The following PTPRN2 variants were observed in gnomAD, a reference collection of about 807,000 sequenced individuals.
The protein encoded by PTPRN2 is receptor-type tyrosine-protein phosphatase N2.
Under a neutral mutation model 118.8 loss-of-function variants are expected in PTPRN2, and 74 were observed. The ratio of observed to expected loss-of-function variants is 0.62; its 90% CI spans 0.52 to 0.76. The LOEUF is 0.76. Among genes scored for constraint, PTPRN2 ranks in the 30% least tolerant of loss-of-function variants. PTPRN2 has a pLI of 0.00. For missense variants in PTPRN2, 1,481 were observed against 1,394.4 expected, an observed-to-expected ratio of 1.06 and a Z score of -0.99; for synonymous variants, 641 against 608.0, an observed-to-expected ratio of 1.05 and a Z score of -0.80.
At chr7:158,328,458 G>C (rs762347002) in intron 2 of PTPRN2, among the ~76,000 whole-genome samples, 5 of 152,246 alleles carry the variant, frequency 3.3e-5, no homozygotes, top group Non-Finnish European at 7.3e-5. Flanking sequence ...ACAGGCAGCA[G>C]AAGGCAGGGG....
chr7:157,635,519 C>A (rs1378504986), intron 14 of PTPRN2, among the ~76,000 whole-genome samples: 2 of 152,258 alleles, frequency 1.3e-5, no homozygotes, highest in Non-Finnish European at 2.9e-5. Flanking sequence ...TGTCATTCAC[C>A]ATCTAAAATC....
intron 12 of PTPRN2, among the ~76,000 whole-genome samples, chr7:157,791,127 T>A (rs1804463760): frequency 6.6e-6 from 1 of 152,204 alleles, no homozygotes; most frequent in Non-Finnish European, 1.5e-5. Flanking sequence ...ATGAGAACAG[T>A]CACTCTGGCA....
chr7:158,444,075 G>T (rs1317843422), intron 2 of PTPRN2, among the ~76,000 whole-genome samples: 1 of 152,236 alleles, frequency 6.6e-6, no homozygotes, highest in East Asian at 1.9e-4. Flanking sequence ...GCACGGGGAG[G>T]TGCTAGAGAA....
intron 12 of PTPRN2, among the ~76,000 whole-genome samples, chr7:157,733,349 G>A (rs1181549491): frequency 1.5e-5 from 1 of 66,412 alleles, no homozygotes. Flanking sequence ...CGTCCCATGC[G>A]CCCAGCACAG....
At position 157,729,227 on chromosome 7, in the gene PTPRN2, A is replaced by AT. The variant is rs200225408; in HGVS notation, c.1789-46291dup. On this transcript the variant is annotated intron_variant, in intron 12 of 22. Transcript: ENST00000389418. The surrounding 1 kb of genome is among the most constrained non-coding windows in gnomAD (Gnocchi z 4.3). The stretch of plus-strand genomic sequence containing the variant: ...TCTGCCCATCTTTGAATCTTCATGT[A>AT]TTTTTAAAAAAGAATGAATTTAAAA... Among the ~76,000 whole-genome samples the AT allele has an allele frequency of 1.3e-5, 2 of 151,588 alleles. No individual in the cohort carries two copies. The highest frequency in any genetic ancestry group is 2.4e-5 in the African/African-American group (1 of 41,208).
chr7:158,278,683 A>T (rs1799205746), intron 3 of PTPRN2, among the ~76,000 whole-genome samples: 1 of 152,238 alleles, frequency 6.6e-6, no homozygotes, highest in Non-Finnish European at 1.5e-5. Context: ...TACAGTTTTT[A>T]AAGATGGTGT....
intron 2 of PTPRN2, among the ~76,000 whole-genome samples, chr7:158,330,039 T>TCACCATAAGAGCTGACGCCC (rs1804057334): frequency 3.3e-5 from 4 of 121,626 alleles, no homozygotes; most frequent in African/African-American, 1.3e-4. Context: ...AGGTGACATC[T>TCACCATAAGAGCTGACGCCC]GCAGACGTCA....
rs548826775 is a variant in PTPRN2, at chr7:157,903,965, G to A, written c.1724-5228C>T. ...GCAAGCGACTAATCCATGTGCCCTC[G>A]TGACAGCGGCTGTTTTGCTGCATGT... On this transcript the variant is annotated intron_variant, in intron 11 of 22. Coordinates refer to ENST00000389418, the MANE Select transcript of PTPRN2 (RefSeq NM_002847.5). The surrounding 1 kb of genome is among the most constrained non-coding windows in gnomAD (Gnocchi z 4.2). Among the ~76,000 whole-genome samples the A allele has an allele frequency of 5.3e-5, 8 of 152,266 alleles. No homozygotes were observed. In the South Asian group the frequency reaches 8.3e-4, roughly 16 times the overall value.
chr7:158,433,297 G>A (rs1363979279), intron 2 of PTPRN2, among the ~76,000 whole-genome samples: 2 of 152,162 alleles, frequency 1.3e-5, no homozygotes, highest in Admixed American at 6.5e-5. Context: ...TTTCTATTGG[G>A]TATGTACTCA....
rs1431494126 is a variant in PTPRN2 at position 157,784,151 on chromosome 7, A to C, written c.1789-101214T>G. Among the ~76,000 whole-genome samples, 1 of 152,140 alleles carries C rather than the reference A, an allele frequency of 6.6e-6. No homozygotes were observed. The highest frequency in any genetic ancestry group is 1.5e-5 in the Non-Finnish European group (1 of 68,032). ...CTATTCCTAAATTCTGCTTGTGGGC[A>C]GGGCACAGGCAGCTCAACGTTAGGC... On this transcript the variant is annotated intron_variant, in intron 12 of 22. Coordinates refer to ENST00000389418, the MANE Select transcript of PTPRN2 (RefSeq NM_002847.5). This position sits in a 1 kb window ranked among gnomAD's most constrained non-coding sequence, Gnocchi z 4.6.
chr7:157,540,848 C>T (rs1124400), intron 22 of PTPRN2, 63 bp from the exon 23 acceptor site: 498,045 of 1,349,132 alleles, frequency 0.37, 99,677 homozygotes, highest in Non-Finnish European at 0.42. Flanking sequence ...CCTGCCACAG[C>T]GTCGGCTCCC....
chr7:158,275,872 G>A (rs895881420), intron 3 of PTPRN2, among the ~76,000 whole-genome samples: 3 of 152,166 alleles, frequency 2.0e-5, no homozygotes, highest in Non-Finnish European at 4.4e-5. Context: ...ACAACAGGTG[G>A]CCAAGGGGGT....
At chr7:157,579,538 T>C (rs1414334976) in intron 17 of PTPRN2, among the ~76,000 whole-genome samples, 1 of 152,168 alleles carries the variant, frequency 6.6e-6, no homozygotes, top group Non-Finnish European at 1.5e-5. Context: ...AAAAATACAA[T>C]GATCTAGACC....
rs560486484 is a variant in PTPRN2 at position 158,208,346 on chromosome 7, A to G, written c.278-3073T>C. Among the ~76,000 whole-genome samples, 82 of 152,332 alleles carry G rather than the reference A, an allele frequency of 5.4e-4. No homozygotes were observed. The South Asian group carries it at 7.0e-3, about 13-fold the overall frequency. On this transcript the variant is annotated intron_variant, in intron 3 of 22. Coordinates refer to ENST00000389418, the MANE Select transcript of PTPRN2 (RefSeq NM_002847.5). ...AACCCAAATAAGACTACCTCAAGAC[A>G]TTTAATTATCAAACTCCCAAAGGTC... is the stretch of plus-strand genomic sequence containing the variant.
chr7:158,182,214 G>A (rs1439706286), intron 5 of PTPRN2, among the ~76,000 whole-genome samples: 1 of 152,106 alleles, frequency 6.6e-6, no homozygotes, highest in African/African-American at 2.4e-5. Context: ...ATGTATTTGT[G>A]TAGTTTAAAA....
intron 2 of PTPRN2, among the ~76,000 whole-genome samples, chr7:158,339,306 G>A (rs1245089782): frequency 1.2e-4 from 1 of 8,264 alleles, no homozygotes; most frequent in Non-Finnish European, 2.4e-4. Flanking sequence ...ACCTGCATAC[G>A]TCACTCACAC....
At position 158,094,051 on chromosome 7, in the gene PTPRN2, G is replaced by A. The variant is rs149465838; in HGVS notation, c.1644-12674C>T. On this transcript the variant is annotated intron_variant, in intron 10 of 22. Coordinates refer to ENST00000389418, the MANE Select transcript of PTPRN2 (RefSeq NM_002847.5). ...TTTCTGTGCCAGGGAATGTCTTGCCGCTTACTTTTCTCATGGAGTATTTGG... is the reference window on the plus strand; with the variant it reads ...TTTCTGTGCCAGGGAATGTCTTGCCACTTACTTTTCTCATGGAGTATTTGG... Among the ~76,000 whole-genome samples the A allele has an allele frequency of 2.4e-3, 365 of 152,266 alleles. 2 individuals carry two copies. The highest frequency in any genetic ancestry group is 8.3e-3 in the African/African-American group (344 of 41,548).
chr7:158,121,033 A>T (rs1046254886), intron 9 of PTPRN2, among the ~76,000 whole-genome samples: 2 of 151,834 alleles, frequency 1.3e-5, no homozygotes, highest in Non-Finnish European at 2.9e-5. Flanking sequence ...CTTCCAGATG[A>T]GCCCTTCCTT....
At chr7:158,494,626 C>A (rs779818260) in intron 1 of PTPRN2, among the ~76,000 whole-genome samples, 9 of 152,210 alleles carry the variant, frequency 5.9e-5, no homozygotes, top group Non-Finnish European at 1.0e-4. Flanking sequence ...TCACTGAAGA[C>A]CCTGCTTTGA....
Sources: gnomAD v4.1 joint callset for allele counts (sites outside exome capture counted in the v4.1 genomes callset) on GRCh38, gnomAD v4.1.1 for gene constraint, Gnocchi (gnomAD v3.1) non-coding constraint, MANE v1.5 for transcripts, NCBI Gene and HGNC (gene_info 2026-07-23, HGNC 2026-07-21) for gene names.